STARD9: variants seen among roughly 807,000 people sequenced by gnomAD.
STARD9 encodes the protein StAR related lipid transfer domain containing 9, also known as stAR-related lipid transfer protein 9.
Under a neutral mutation model 399.8 loss-of-function variants are expected in STARD9, and 346 were observed. That is an observed-to-expected ratio of 0.87 (90% CI 0.79 to 0.95). STARD9 has a LOEUF of 0.95. STARD9 is among the 40% of genes least tolerant of loss of function. STARD9 has a pLI of 0.00. For synonymous variants in STARD9, 2,203 were observed against 2,143.5 expected, an observed-to-expected ratio of 1.03 and a Z score of -0.77; for missense variants, 5,832 against 5,667.5, an observed-to-expected ratio of 1.03 and a Z score of -0.93.
rs2060303546 is a variant in STARD9, at chr15:42,675,988, T to A, written c.1874+13T>A. ...TTTGGAAGGAAAGGTAAGAAATAGC[T>A]GCTTATACTGATGTGGAACCTACTG... On this transcript the variant is annotated intron_variant, in intron 20 of 32. Coordinates refer to ENST00000290607, the MANE Select transcript of STARD9 (RefSeq NM_020759.3). 1 of 1,529,226 alleles carries A rather than the reference T, an allele frequency of 6.5e-7. No homozygotes were observed. The highest frequency in any genetic ancestry group is 1.4e-5 in the African/African-American group (1 of 71,956). 94.7% of individuals were successfully genotyped at this position (1,529,226 alleles called of 1,614,324 possible). A position where few individuals can be genotyped will look rare whatever the true frequency, so the allele number is the denominator to read the frequency against.
At position 42,585,593 on chromosome 15, in the gene STARD9, T is replaced by G. The variant is rs2058259370; in HGVS notation, c.190T>G (p.Trp64Gly). ...GGCATTTGGCTTTGATTACTGCTACTGGTCAGTCAACCCAGAGGATCCCCA... is the reference window on the plus strand; with the variant it reads ...GGCATTTGGCTTTGATTACTGCTACGGGTCAGTCAACCCAGAGGATCCCCA... ...VMAFGFDYCYWSVNPEDPQYA... is the reference protein window; with the variant it reads ...VMAFGFDYCYGSVNPEDPQYA... The change falls in exon 3 of 33, where the codon TGG becomes GGG. Residue 64 changes from tryptophan (W) to glycine (G), a missense_variant. Trp to Gly is a radical substitution (Grantham distance 184, BLOSUM62 -2). Coordinates refer to ENST00000290607, the MANE Select transcript of STARD9 (RefSeq NM_020759.3). The G allele has an allele frequency of 5.9e-6, 9 of 1,537,204 alleles. No homozygotes were observed. The highest frequency in any genetic ancestry group is 7.8e-6 in the Non-Finnish European group (9 of 1,146,852).
rs767495107 is a variant in STARD9 at position 42,686,244 on chromosome 15, C to A, written c.4666C>A (p.Arg1556Ser). 1.4e-5 allele frequency: 21 copies of A among 1,537,616 alleles called. 1 individual carries two copies. The South Asian group carries it at 2.5e-4, about 18-fold the overall frequency. ...NFPVHLSRIR[R>S]LRAEKEQDSL... ...TCCAGTCCATCTGTCCAGAATCAGGCGTTTGAGGGCAGAGAAAGAACAGGA... is the reference window on the plus strand; with the variant it reads ...TCCAGTCCATCTGTCCAGAATCAGGAGTTTGAGGGCAGAGAAAGAACAGGA... The change falls in exon 23 of 33, where the codon CGT (arginine) becomes AGT (serine). Residue 1556 changes from arginine (R) to serine (S), a missense_variant. Transcript: ENST00000290607.
In STARD9 at chr15:42,694,313, G is replaced by A. The variant is rs1255925836; in HGVS notation, c.12735G>A (p.Val4245=). 3.3e-6 allele frequency: 5 copies of A among 1,519,422 alleles called. No homozygotes were observed. The highest frequency in any genetic ancestry group is 2.5e-5 in the South Asian group (2 of 81,248). The allele number at this position is 1,519,422 out of a possible 1,614,324, so 94.1% of individuals were successfully genotyped here. Reference sequence around the variant, plus strand: ...AGGCGCTTGCTGCTGATGAACCTGTGACATCCACCTGGAAGGAGCTCTATG... The same window carrying A: ...AGGCGCTTGCTGCTGATGAACCTGTAACATCCACCTGGAAGGAGCTCTATG... The part of the protein sequence containing the change: ...TGEALAADEP[V]TSTWKELYAR... The change falls in exon 23 of 33, where the codon GTG becomes GTA. Residue 4245 remains valine, a synonymous_variant. Transcript: ENST00000290607.
At chr15:42,646,156 C>T (rs773351139) in intron 7 of STARD9, among the ~76,000 whole-genome samples, 2 of 151,834 alleles carry the variant, frequency 1.3e-5, no homozygotes, top group Non-Finnish European at 2.9e-5. Flanking sequence ...AGTGAAACTC[C>T]GTCTCAACAA....
At position 42,693,053 on chromosome 15, in the gene STARD9, C is replaced by T. The variant is rs532251947; in HGVS notation, c.11475C>T (p.Pro3825=). ...PSSHLRFQKA[P]VGQHLPSVSP... is the part of the protein sequence containing the mutation. Reference sequence around the variant, plus strand: ...CCCACTTGAGGTTTCAGAAAGCCCCCGTTGGGCAGCATCTTCCTTCTGTGA... The same window carrying T: ...CCCACTTGAGGTTTCAGAAAGCCCCTGTTGGGCAGCATCTTCCTTCTGTGA... Residue 3825 remains proline, a synonymous_variant, in exon 23 of 33, where the codon CCC becomes CCT. Transcript: ENST00000290607. The T allele has an allele frequency of 2.0e-5, 31 of 1,537,154 alleles. No individual in the cohort carries two copies. The East Asian group carries it at 3.9e-4, about 19-fold the overall frequency.
intron 3 of STARD9, among the ~76,000 whole-genome samples, chr15:42,606,492 G>A (rs951257133): frequency 3.9e-5 from 6 of 152,146 alleles, no homozygotes; most frequent in African/African-American, 1.4e-4. Context: ...GTCGGACTCT[G>A]TTGCCCAGGC....
intron 8 of STARD9, 43 bp downstream of exon 8, chr15:42,651,128 T>C: frequency 1.5e-6 from 2 of 1,357,760 alleles, no homozygotes; most frequent in Non-Finnish European, 2.0e-6. Context: ...ATCCTCACAC[T>C]CCTATCCTGT....
chr15:42,703,925 G>A (rs1287281475), intron 26 of STARD9, among the ~76,000 whole-genome samples: 1 of 151,694 alleles, frequency 6.6e-6, no homozygotes, highest in Non-Finnish European at 1.5e-5. Context: ...TATTTATTTT[G>A]AGATGGAGTT....
chr15:42,706,873 A>G (rs1321558387), intron 26 of STARD9, among the ~76,000 whole-genome samples: 1 of 152,184 alleles, frequency 6.6e-6, no homozygotes, highest in Non-Finnish European at 1.5e-5. Context: ...AGATGATTTC[A>G]TTCATTCATC....
At chr15:42,655,793 C>T (rs1471823154) in intron 9 of STARD9, among the ~76,000 whole-genome samples, 1 of 152,054 alleles carries the variant, frequency 6.6e-6, no homozygotes, top group East Asian at 1.9e-4. Flanking sequence ...CAGCAAACAG[C>T]CCACAGAGTG....
chr15:42,658,074 TG>T (rs914019678), intron 9 of STARD9, among the ~76,000 whole-genome samples: 1 of 152,216 alleles, frequency 6.6e-6, no homozygotes, highest in African/African-American at 2.4e-5. Flanking sequence ...TTTATAGATA[TG>T]GCACTAAAAA....
At chr15:42,633,334 T>G (rs1194709799) in intron 3 of STARD9, among the ~76,000 whole-genome samples, 1 of 152,124 alleles carries the variant, frequency 6.6e-6, no homozygotes, top group Non-Finnish European at 1.5e-5. Context: ...AGCTTTGAAG[T>G]ATAAGAATAC....
Position 42,681,689 on chromosome 15 carries a change from C to A in STARD9, c.2065+77C>A. 3.9e-6 allele frequency: 5 copies of A among 1,293,256 alleles called. No homozygotes were observed. The South Asian group carries it at 4.6e-5, about 12-fold the overall frequency. 80.1% of individuals were successfully genotyped at this position (1,293,256 alleles called of 1,614,324 possible). A position where few individuals can be genotyped will look rare whatever the true frequency, so the allele number is the denominator to read the frequency against. The stretch of plus-strand genomic sequence containing the variant: ...TCATGCTTCCTCAGCCTTCTGTATT[C>A]TCTCTTTTGTTTTCTTTGTGATATG... On this transcript the variant is annotated intron_variant, in intron 21 of 32. Coordinates refer to ENST00000290607, the MANE Select transcript of STARD9 (RefSeq NM_020759.3).
chr15:42,678,035 G>A (rs1345808241), intron 20 of STARD9, among the ~76,000 whole-genome samples: 2 of 152,282 alleles, frequency 1.3e-5, no homozygotes, highest in East Asian at 3.9e-4. Context: ...CAGAATCAAG[G>A]CCTCTCCCAC....
chr15:42,629,699 G>A (rs1425921939), intron 3 of STARD9: 1 of 152,144 alleles, frequency 6.6e-6, no homozygotes, highest in Non-Finnish European at 1.5e-5. Context: ...GATCCTAGAG[G>A]GAAAGGCTTT....
At chr15:42,663,784 G>A (rs2060035464) in intron 12 of STARD9, 36 bp from the exon 13 acceptor site, 4 of 1,417,244 alleles carry the variant, frequency 2.8e-6, no homozygotes, top group Non-Finnish European at 3.9e-6. Context: ...GGATGGATGG[G>A]CTGGCATGTT....
At position 42,688,051 on chromosome 15, in the gene STARD9, T is replaced by C. The variant is rs1413207967; in HGVS notation, c.6473T>C (p.Val2158Ala). Reference protein sequence around the residue: ...TPNPFRSREGVRESEPVREHT... With the variant: ...TPNPFRSREGARESEPVREHT... ...AACCCCTTCAGGTCAAGGGAAGGTG[T>C]ACGAGAGAGTGAACCTGTGAGAGAG... Residue 2158 changes from valine (V) to alanine (A), a missense_variant, in exon 23 of 33, where the codon GTA becomes GCA. Val to Ala is a moderately conservative substitution (Grantham distance 64). This residue lies in a region of STARD9 where 5,828 missense variants were observed against 5,651.1 expected (regional missense o/e 1.03). Transcript: ENST00000290607. The C allele has an allele frequency of 2.0e-6, 3 of 1,537,270 alleles. No individual in the cohort carries two copies. Among genetic ancestry groups the C allele is most frequent in the Non-Finnish European group, 1.7e-6 (2 of 1,146,962 alleles).
chr15:42,595,314 A>G (rs573322315), intron 3 of STARD9, among the ~76,000 whole-genome samples: 22 of 152,278 alleles, frequency 1.4e-4, no homozygotes, highest in African/African-American at 4.1e-4. Flanking sequence ...TTGTTGCATT[A>G]TTGCTTAAGG....
intron 4 of STARD9, 48 bp downstream of exon 4, chr15:42,635,020 C>T (rs1452198600): frequency 9.4e-7 from 1 of 1,067,740 alleles, no homozygotes; most frequent in Non-Finnish European, 1.4e-6. Flanking sequence ...CAAGCCTGAA[C>T]CTTGCATTGT....
Sources: gnomAD v4.1 joint callset for allele counts (sites outside exome capture counted in the v4.1 genomes callset) on GRCh38, gnomAD v4.1.1 for gene constraint, gnomAD v4.1.1 regional missense constraint, MANE v1.5 for transcripts, NCBI Gene and HGNC (gene_info 2026-07-23, HGNC 2026-07-21) for gene names.